The following ARMC10 variants were observed in gnomAD, a reference collection of about 807,000 sequenced individuals.
ARMC10 encodes armadillo repeat containing 10, also known as armadillo repeat-containing protein 10.
A neutral mutation model predicts 30.2 loss-of-function variants in ARMC10; 23 were observed. The observed-to-expected ratio is 0.76, with a 90% CI of 0.55 to 1.08. The LOEUF (loss-of-function observed/expected upper bound fraction) is 1.08. Ranked by LOEUF, ARMC10 falls within the 50% of genes least tolerant of loss-of-function variation. The pLI, the probability that ARMC10 is intolerant of heterozygous loss-of-function variation, is 0.00. For synonymous variants in ARMC10, 111 were observed against 164.4 expected (o/e 0.68, Z 2.48); for missense variants, 303 against 413.7 (o/e 0.73, Z 2.32).
intron 4 of ARMC10, among the ~76,000 whole-genome samples, chr7:103,091,070 G>T (rs1341328395): frequency 6.6e-6 from 1 of 152,072 alleles, no homozygotes; most frequent in Admixed American, 6.5e-5. Context: ...AGAACTTTTG[G>T]TGGAGTTCAG....
At chr7:103,097,510 A>C (rs1480933212) in intron 6 of ARMC10, among the ~76,000 whole-genome samples, 162 bp downstream of exon 6, 2 of 152,198 alleles carry the variant, frequency 1.3e-5, no homozygotes, top group African/African-American at 4.8e-5. Context: ...AAATTTCCTA[A>C]ATTTTTTGCA....
intron 2 of ARMC10, among the ~76,000 whole-genome samples, chr7:103,078,379 C>G (rs183523734): frequency 2.6e-5 from 4 of 152,190 alleles, no homozygotes; most frequent in African/African-American, 7.2e-5. Flanking sequence ...ATGCTCTTCT[C>G]GTGATAGTTC....
chr7:103,087,452 T>G (rs1032127367), intron 4 of ARMC10, among the ~76,000 whole-genome samples: 4 of 152,150 alleles, frequency 2.6e-5, no homozygotes, highest in Admixed American at 2.0e-4. Context: ...GTAAAAAAAA[T>G]AGTTAACTTG....
chr7:103,086,112 T>G (rs1456177139), intron 3 of ARMC10, among the ~76,000 whole-genome samples: 1 of 152,212 alleles, frequency 6.6e-6, no homozygotes, highest in Non-Finnish European at 1.5e-5. Context: ...ATACTCAGAT[T>G]TTCCTAAACT....
At chr7:103,078,112 C>T (rs1800056495) in intron 2 of ARMC10, among the ~76,000 whole-genome samples, 1 of 152,110 alleles carries the variant, frequency 6.6e-6, no homozygotes, top group Non-Finnish European at 1.5e-5. Context: ...TCTCTTGCCT[C>T]GGCCTCCGGA....
At chr7:103,090,427 C>T (rs1380141747) in intron 4 of ARMC10, among the ~76,000 whole-genome samples, 1 of 152,130 alleles carries the variant, frequency 6.6e-6, no homozygotes, top group Non-Finnish European at 1.5e-5. Flanking sequence ...TTGGGAGCCA[C>T]GACAGGAGAT....
chr7:103,093,164 T>G (rs1014757897), intron 5 of ARMC10, among the ~76,000 whole-genome samples: 1 of 152,234 alleles, frequency 6.6e-6, no homozygotes, highest in African/African-American at 2.4e-5. Flanking sequence ...ATAAAAAGTT[T>G]CTTAAGTAAA....
At chr7:103,082,457 A>G (rs2129521128) in intron 2 of ARMC10, among the ~76,000 whole-genome samples, 1 of 150,384 alleles carries the variant, frequency 6.6e-6, no homozygotes, top group African/African-American at 2.4e-5. Flanking sequence ...AAAGTCCTTC[A>G]TAATCCCACT....
intron 3 of ARMC10, among the ~76,000 whole-genome samples, chr7:103,085,806 G>T (rs995758148): frequency 7.9e-5 from 12 of 151,830 alleles, no homozygotes; most frequent in African/African-American, 2.7e-4. Context: ...GTAGAGATGG[G>T]GTTTCACCAT....
intron 5 of ARMC10, among the ~76,000 whole-genome samples, chr7:103,095,383 C>T (rs1045871356): frequency 8.5e-5 from 13 of 152,214 alleles, no homozygotes; most frequent in South Asian, 4.1e-4. Context: ...CATGCGCCAC[C>T]GCACCTGGCC....
At chr7:103,075,470 C>G in intron 1 of ARMC10, 59 bp downstream of exon 1, 10 of 1,265,874 alleles carry the variant, frequency 7.9e-6, no homozygotes, top group Middle Eastern at 2.2e-4. Context: ...CTCCCCAGGC[C>G]GGGGTGGTGG....
In ARMC10 at chr7:103,075,163, C is replaced by T. The variant is rs564100581; in HGVS notation, c.-110C>T. On this transcript the variant is annotated 5_prime_UTR_variant, in exon 1 of 7. Transcript: ENST00000323716. ...CCATTTCCTTTCTCCACATCCAGGT[C>T]AGGTGGCGTTTGCTGTGGCGGCTAG... The T allele has an allele frequency of 2.5e-4, 184 of 746,342 alleles. No homozygotes were observed. The African/African-American group carries it at 3.3e-3, about 13-fold the overall frequency. 46.2% of individuals were successfully genotyped at this position (746,342 alleles called of 1,614,324 possible).
At chr7:103,076,939 G>T (rs1353459604) in intron 2 of ARMC10, among the ~76,000 whole-genome samples, 1 of 152,150 alleles carries the variant, frequency 6.6e-6, no homozygotes, top group Non-Finnish European at 1.5e-5. Context: ...CCCAGGCTCG[G>T]TGCAGTGGCG....
At chr7:103,080,147 C>T (rs1800248081) in intron 2 of ARMC10, among the ~76,000 whole-genome samples, 1 of 152,174 alleles carries the variant, frequency 6.6e-6, no homozygotes, top group African/African-American at 2.4e-5. Flanking sequence ...TAATAGCAGT[C>T]CAAAAACTCA....
chr7:103,075,444 G>A (rs773166453), intron 1 of ARMC10, 33 bp downstream of exon 1: 2 of 1,282,552 alleles, frequency 1.6e-6, no homozygotes, highest in Non-Finnish European at 2.0e-6. Flanking sequence ...AGGTGGGCGG[G>A]GACTGGGCAG....
chr7:103,092,206 G>A (rs1477965709), intron 4 of ARMC10, among the ~76,000 whole-genome samples: 3 of 149,716 alleles, frequency 2.0e-5, no homozygotes, highest in African/African-American at 4.9e-5. Context: ...GGTGGCGGGC[G>A]CCTGTAGTCC....
intron 2 of ARMC10, 51 bp from the exon 3 acceptor site, chr7:103,083,630 AT>A: frequency 6.5e-7 from 1 of 1,528,472 alleles, no homozygotes; most frequent in South Asian, 1.2e-5. Flanking sequence ...TGTTTCAAAA[AT>A]AACCTCGTAT....
chr7:103,082,567 C>G (rs1430008867), intron 2 of ARMC10, among the ~76,000 whole-genome samples: 2 of 151,902 alleles, frequency 1.3e-5, no homozygotes, highest in African/African-American at 4.8e-5. Flanking sequence ...AACCACTGGC[C>G]TGAAGTGATT....
chr7:103,075,938 C>A, intron 2 of ARMC10, 57 bp downstream of exon 2: 1 of 1,288,390 alleles, frequency 7.8e-7, no homozygotes, highest in Non-Finnish European at 1.1e-6. Flanking sequence ...TCCCAGCGGA[C>A]AAATGCATGA....
Sources: gnomAD v4.1 joint callset for allele counts (sites outside exome capture counted in the v4.1 genomes callset) on GRCh38, gnomAD v4.1.1 for gene constraint, MANE v1.5 for transcripts, NCBI Gene and HGNC (gene_info 2026-07-23, HGNC 2026-07-21) for gene names.